The following ROBO1 variants were observed in gnomAD, a reference collection of about 807,000 sequenced individuals.
The protein encoded by ROBO1 is roundabout guidance receptor 1.
ROBO1 carries 149 observed loss-of-function variants against 195.9 expected under a neutral mutation model. That is an observed-to-expected ratio of 0.76 (90% CI 0.67 to 0.87). The LOEUF (loss-of-function observed/expected upper bound fraction) is 0.87. Among genes scored for constraint, ROBO1 ranks in the 40% least tolerant of loss-of-function variants. The probability of loss-of-function intolerance (pLI) is 0.00; values close to 1 mark genes in which losing one functional copy is unlikely to be tolerated. For missense variants in ROBO1, 1,933 were observed against 2,068.3 expected (o/e 0.93, Z 1.27); for synonymous variants, 816 against 733.2 (o/e 1.11, Z -1.82).
chr3:79,095,872 T>C (rs2079557512), intron 3 of ROBO1, among the ~76,000 whole-genome samples: 1 of 152,046 alleles, frequency 6.6e-6, no homozygotes, highest in African/African-American at 2.4e-5. Flanking sequence ...TGCATGTAGA[T>C]GTGCCTCATT....
chr3:79,064,657 A>T (rs1343507872), intron 3 of ROBO1, among the ~76,000 whole-genome samples: 1 of 151,856 alleles, frequency 6.6e-6, no homozygotes, highest in African/African-American at 2.4e-5. Context: ...ACCACTTCGG[A>T]GTAATCTATT....
intron 2 of ROBO1, among the ~76,000 whole-genome samples, chr3:79,392,446 T>C (rs765279751): frequency 3.3e-5 from 5 of 152,072 alleles, no homozygotes; most frequent in Non-Finnish European, 7.4e-5. Flanking sequence ...ACGGCACCCA[T>C]GGAGAAAAAT....
intron 3 of ROBO1, among the ~76,000 whole-genome samples, chr3:79,092,515 GAATA>G (rs1169726974): frequency 6.6e-6 from 1 of 152,080 alleles, no homozygotes; most frequent in Admixed American, 6.6e-5. Context: ...TTTGTTATTT[GAATA>G]AATAAAATTT....
intron 2 of ROBO1, among the ~76,000 whole-genome samples, chr3:79,283,593 T>TC (rs2031669345): frequency 1.3e-5 from 2 of 152,132 alleles, no homozygotes; most frequent in African/African-American, 4.8e-5. Flanking sequence ...TCATTTTATC[T>TC]CCCCCATATT....
chr3:79,286,644 A>G (rs1429201028), intron 2 of ROBO1, among the ~76,000 whole-genome samples: 1 of 152,162 alleles, frequency 6.6e-6, no homozygotes, highest in Non-Finnish European at 1.5e-5. Flanking sequence ...ATGGGATGGA[A>G]GTATGAGAAA....
At chr3:79,005,008 T>C (rs2077588637) in intron 3 of ROBO1, among the ~76,000 whole-genome samples, 1 of 152,196 alleles carries the variant, frequency 6.6e-6, no homozygotes. Flanking sequence ...GCAGTTATCA[T>C]CTATAGAAAC....
chr3:79,586,802 G>C (rs906475795), intron 2 of ROBO1, among the ~76,000 whole-genome samples: 3 of 151,794 alleles, frequency 2.0e-5, no homozygotes, highest in Admixed American at 1.3e-4. Flanking sequence ...GTAAAGATTA[G>C]TATCTGTCAG....
Position 78,938,693 on chromosome 3 carries a change from C to T in ROBO1, c.407G>A (p.Arg136Gln). Residue 136 changes from arginine to glutamine, a missense_variant, in exon 4 of 31, where the codon CGG (arginine) becomes CAG (glutamine). This residue lies in a region of ROBO1 where 11 missense variants were observed against 26.2 expected (regional missense o/e 0.42). Transcript: ENST00000464233. ...SLFFLRIVHGRKSRPDEGVYV... is the reference protein window; with the variant it reads ...SLFFLRIVHGQKSRPDEGVYV... ...GACTCCTTCATCAGGTCTACTTTTC[C>T]GTCCATGTACTATACGTAAGAAAAA... is the stretch of plus-strand genomic sequence containing the variant. 2 of 1,613,966 alleles carry T rather than the reference C, an allele frequency of 1.2e-6. No homozygotes were observed. Among genetic ancestry groups the T allele is most frequent in the Non-Finnish European group, 1.7e-6 (2 of 1,179,892 alleles).
At chr3:79,288,826 AC>A (rs2032056794) in intron 2 of ROBO1, among the ~76,000 whole-genome samples, 1 of 151,982 alleles carries the variant, frequency 6.6e-6, no homozygotes, top group Non-Finnish European at 1.5e-5. Flanking sequence ...TTTAGATTGC[AC>A]TCAAAGTGTG....
intron 2 of ROBO1, among the ~76,000 whole-genome samples, chr3:79,317,651 C>A (rs1194675911): frequency 1.3e-5 from 2 of 152,028 alleles, no homozygotes; most frequent in Non-Finnish European, 2.9e-5. Context: ...GTTAGCTGGA[C>A]CTAGATCATA....
chr3:79,681,437 A>G (rs972113490), intron 1 of ROBO1, among the ~76,000 whole-genome samples: 1 of 152,026 alleles, frequency 6.6e-6, no homozygotes, highest in East Asian at 1.9e-4. Flanking sequence ...GATAATGGGC[A>G]GTAAGTGCCA....
chr3:79,137,569 T>G (rs2080435679), intron 2 of ROBO1, among the ~76,000 whole-genome samples: 1 of 152,094 alleles, frequency 6.6e-6, no homozygotes, highest in African/African-American at 2.4e-5. Flanking sequence ...GAACACATCA[T>G]TTTATATGCA....
chr3:78,725,030 C>T (rs182092938), intron 5 of ROBO1, among the ~76,000 whole-genome samples: 1 of 152,216 alleles, frequency 6.6e-6, no homozygotes, highest in Non-Finnish European at 1.5e-5. Context: ...TAACATAATC[C>T]GGGTAGTGGA....
At chr3:79,149,703 C>G (rs1377874778) in intron 2 of ROBO1, among the ~76,000 whole-genome samples, 1 of 151,694 alleles carries the variant, frequency 6.6e-6, no homozygotes, top group East Asian at 1.9e-4. Context: ...CGAGTCTGTG[C>G]CTCTGGACTG....
intron 2 of ROBO1, among the ~76,000 whole-genome samples, chr3:79,374,380 A>G (rs2036309417): frequency 6.6e-6 from 1 of 152,174 alleles, no homozygotes; most frequent in African/African-American, 2.4e-5. Flanking sequence ...AATGATAGGT[A>G]TATGGTTGAA....
intron 2 of ROBO1, among the ~76,000 whole-genome samples, chr3:79,493,980 A>G (rs1939601717): frequency 6.6e-6 from 1 of 152,202 alleles, no homozygotes; most frequent in Non-Finnish European, 1.5e-5. Context: ...ATAAGTTTGA[A>G]GTTCATGGCA....
At chr3:79,667,484 T>C (rs1412446379) in intron 1 of ROBO1, among the ~76,000 whole-genome samples, 4 of 151,862 alleles carry the variant, frequency 2.6e-5, no homozygotes, top group Non-Finnish European at 5.9e-5. Context: ...ATTTTGGTTG[T>C]AAGAGAGTTG....
At chr3:78,766,434 T>C (rs1408513198) in intron 4 of ROBO1, among the ~76,000 whole-genome samples, 4 of 152,180 alleles carry the variant, frequency 2.6e-5, no homozygotes, top group Non-Finnish European at 4.4e-5. Flanking sequence ...TGTTGGTGTA[T>C]AGAAGACCTA....
At chr3:79,512,731 C>T (rs1041190497) in intron 2 of ROBO1, 1 of 152,090 alleles carries the variant, frequency 6.6e-6, no homozygotes, top group Non-Finnish European at 1.5e-5. Context: ...AGATTGAGAA[C>T]TTACAGGGAA....
Sources: allele counts gnomAD v4.1 joint callset (sites outside exome capture counted in the v4.1 genomes callset), GRCh38; gene constraint gnomAD v4.1.1; regional missense constraint gnomAD v4.1.1; transcripts MANE v1.5; gene names NCBI Gene and HGNC (gene_info 2026-07-23, HGNC 2026-07-21).